TAFA5: variants seen among roughly 807,000 people sequenced by gnomAD.
TAFA5 encodes TAFA chemokine like family member 5, also known as chemokine-like protein TAFA-5.
TAFA5 carries 6 observed loss-of-function variants against 15.3 expected under a neutral mutation model. The ratio of observed to expected loss-of-function variants is 0.39; its 90% CI spans 0.21 to 0.77. The LOEUF is 0.77. Ranked by LOEUF, TAFA5 falls within the 30% of genes least tolerant of loss-of-function variation. The pLI, the probability that TAFA5 is intolerant of heterozygous loss-of-function variation, is 0.41. For missense variants in TAFA5, 161 were observed against 193.1 expected, an observed-to-expected ratio of 0.83 and a Z score of 0.98; for synonymous variants, 103 against 80.7, an observed-to-expected ratio of 1.28 and a Z score of -1.48.
rs924638573 is a variant in TAFA5, at chr22:48,568,869, C to G, written c.113-77728C>G. Among the ~76,000 whole-genome samples, 8 of 152,198 alleles carry G rather than the reference C, an allele frequency of 5.3e-5. 1 individual carries two copies. Among genetic ancestry groups the G allele is most frequent in the Admixed American group, 2.0e-4 (3 of 15,278 alleles). On this transcript the variant is annotated intron_variant, in intron 1 of 3. Transcript: ENST00000402357. ...ACTGTCCAGCAGTGCTGAGCACAGCCTCTGGGGCTGGGGTGGGGGACGAGG... is the reference window on the plus strand; with the variant it reads ...ACTGTCCAGCAGTGCTGAGCACAGCGTCTGGGGCTGGGGTGGGGGACGAGG...
chr22:48,497,885 G>A (rs1353542174), intron 1 of TAFA5, among the ~76,000 whole-genome samples: 5 of 121,662 alleles, frequency 4.1e-5, no homozygotes, highest in African/African-American at 1.3e-4. Context: ...GAGGGCAGGG[G>A]CAGGTTTGGA....
chr22:48,525,812 C>T (rs559303243), intron 1 of TAFA5, among the ~76,000 whole-genome samples: 8 of 152,348 alleles, frequency 5.3e-5, no homozygotes, highest in African/African-American at 1.9e-4. Flanking sequence ...TCTCGCCTTA[C>T]TCTCCCCATC....
intron 1 of TAFA5, chr22:48,544,422 A>G (rs1922582194): frequency 5.8e-6 from 2 of 347,448 alleles, no homozygotes; most frequent in East Asian, 7.5e-5. Flanking sequence ...TGGGTTTGCC[A>G]GGGACTCCGT....
chr22:48,569,843 C>G (rs1211715303), intron 1 of TAFA5, among the ~76,000 whole-genome samples: 5 of 152,228 alleles, frequency 3.3e-5, no homozygotes, highest in African/African-American at 1.2e-4. Flanking sequence ...CACTGTTTCC[C>G]AGGCCCAGAA....
At chr22:48,697,904 A>G (rs534486239) in intron 2 of TAFA5, among the ~76,000 whole-genome samples, 1 of 126,192 alleles carries the variant, frequency 7.9e-6, no homozygotes, top group South Asian at 2.5e-4. Flanking sequence ...GATGGTGGTG[A>G]TGACAATATG....
chr22:48,692,024 C>G (rs1046050635), intron 2 of TAFA5, among the ~76,000 whole-genome samples: 1 of 152,238 alleles, frequency 6.6e-6, no homozygotes, highest in African/African-American at 2.4e-5. Context: ...CACTGGGTGC[C>G]TCCTTCCTGT....
intron 3 of TAFA5, among the ~76,000 whole-genome samples, chr22:48,745,695 C>T (rs1015336158): frequency 1.3e-5 from 2 of 152,250 alleles, no homozygotes; most frequent in African/African-American, 4.8e-5. Context: ...GCGGTGCCTC[C>T]TGTCAGATGC....
At chr22:48,565,138 G>T in intron 1 of TAFA5, among the ~76,000 whole-genome samples, 1 of 152,308 alleles carries the variant, frequency 6.6e-6, no homozygotes, top group Middle Eastern at 3.4e-3. Flanking sequence ...AGGCGGGAGC[G>T]GACTCCCTGC....
At chr22:48,519,815 C>T (rs565223360) in intron 1 of TAFA5, among the ~76,000 whole-genome samples, 2 of 152,284 alleles carry the variant, frequency 1.3e-5, no homozygotes, top group South Asian at 4.2e-4. Context: ...CATGGCTGCA[C>T]CTTGGACCAG....
chr22:48,707,352 C>T (rs1180156473), intron 2 of TAFA5, among the ~76,000 whole-genome samples: 2 of 152,184 alleles, frequency 1.3e-5, no homozygotes, highest in Non-Finnish European at 2.9e-5. Flanking sequence ...TGACTGGGAA[C>T]CCCCTCCTCC....
intron 1 of TAFA5, among the ~76,000 whole-genome samples, chr22:48,524,488 G>C (rs1921712661): frequency 6.6e-6 from 1 of 152,226 alleles, no homozygotes; most frequent in Non-Finnish European, 1.5e-5. Context: ...CAGGACCTTG[G>C]TGGCATCTGG....
intron 2 of TAFA5, among the ~76,000 whole-genome samples, chr22:48,689,321 C>T (rs1419056505): frequency 1.3e-5 from 2 of 152,194 alleles, no homozygotes; most frequent in Non-Finnish European, 2.9e-5. Context: ...CTCTCACCCA[C>T]CTGCAAACCC....
intron 1 of TAFA5, among the ~76,000 whole-genome samples, chr22:48,518,204 G>A (rs1223800785): frequency 6.6e-6 from 1 of 152,206 alleles, no homozygotes; most frequent in Non-Finnish European, 1.5e-5. Context: ...ACCCGCAGGA[G>A]CCCACGTGGG....
chr22:48,684,267 G>T (rs559505515), intron 2 of TAFA5, among the ~76,000 whole-genome samples: 18 of 152,182 alleles, frequency 1.2e-4, no homozygotes, highest in African/African-American at 3.6e-4. Context: ...TCACAGGACG[G>T]TGATCTTTGG....
intron 2 of TAFA5, among the ~76,000 whole-genome samples, chr22:48,687,578 G>GGC (rs1273521382): frequency 1.3e-5 from 2 of 152,144 alleles, no homozygotes; most frequent in Non-Finnish European, 2.9e-5. Flanking sequence ...AAGGCAGTCA[G>GGC]AGTTCTCAGC....
Position 48,566,266 on chromosome 22 carries a change from T to C in TAFA5, c.112+76562T>C, listed in dbSNP as rs1176819782. Among the ~76,000 whole-genome samples, 2 of 147,108 alleles carry C rather than the reference T, an allele frequency of 1.4e-5. No individual in the cohort carries two copies. The highest frequency in any genetic ancestry group is 3.0e-5 in the Non-Finnish European group (2 of 67,080). On this transcript the variant is annotated intron_variant, in intron 1 of 3. Transcript: ENST00000402357. This position sits in a 1 kb window ranked among gnomAD's most constrained non-coding sequence, Gnocchi z 4.5. ...GGATGGTAGGTAGATGGATGATGGGTGATGAATGTATGATGGGTGGATGAA... is the reference window on the plus strand; with the variant it reads ...GGATGGTAGGTAGATGGATGATGGGCGATGAATGTATGATGGGTGGATGAA...
intron 1 of TAFA5, among the ~76,000 whole-genome samples, chr22:48,542,316 G>GA (rs1922431854): frequency 7.2e-6 from 1 of 139,004 alleles, no homozygotes; most frequent in African/African-American, 2.7e-5. Flanking sequence ...TAGTGTGTAT[G>GA]TGTGTGTGAT....
intron 1 of TAFA5, among the ~76,000 whole-genome samples, chr22:48,524,804 C>T (rs988163343): frequency 1.3e-5 from 2 of 152,160 alleles, no homozygotes; most frequent in African/African-American, 4.8e-5. Flanking sequence ...GAAGCAGTGA[C>T]TCCCTGTCCC....
Position 48,732,868 on chromosome 22 carries a change from A to G in TAFA5, c.391-16971A>G, listed in dbSNP as rs371026604. ...CCCTGATCAGTCAGCAGCCATCAGCATCGCGGCAAGACCCTCCACCAGCAA... is the reference window on the plus strand; with the variant it reads ...CCCTGATCAGTCAGCAGCCATCAGCGTCGCGGCAAGACCCTCCACCAGCAA... On this transcript the variant is annotated intron_variant, in intron 3 of 3. Transcript: ENST00000402357. Among the ~76,000 whole-genome samples the G allele has an allele frequency of 1.7e-4, 26 of 152,334 alleles. No individual in the cohort carries two copies. In the East Asian group the frequency reaches 3.7e-3, roughly 21 times the overall value.
Sources: gnomAD v4.1 joint callset for allele counts (sites outside exome capture counted in the v4.1 genomes callset) on GRCh38, gnomAD v4.1.1 for gene constraint, Gnocchi (gnomAD v3.1) non-coding constraint, MANE v1.5 for transcripts, NCBI Gene and HGNC (gene_info 2026-07-23, HGNC 2026-07-21) for gene names.